Variants in NTM observed in about 807,000 individuals in gnomAD.
The protein encoded by NTM is neurotrimin.
Under a neutral mutation model 42.1 loss-of-function variants are expected in NTM, and 13 were observed. The ratio of observed to expected loss-of-function variants is 0.31; its 90% CI spans 0.20 to 0.49. The LOEUF is 0.49. Among genes scored for constraint, NTM ranks in the 20% least tolerant of loss-of-function variants. The probability of loss-of-function intolerance (pLI) is 0.99; values close to 1 mark genes in which losing one functional copy is unlikely to be tolerated. For synonymous variants in NTM, 187 were observed against 179.2 expected (o/e 1.04, Z -0.35); for missense variants, 373 against 452.8 (o/e 0.82, Z 1.60).
intron 1 of NTM, among the ~76,000 whole-genome samples, chr11:131,489,294 G>T (rs78068707): frequency 1.1e-4 from 17 of 152,072 alleles, no homozygotes; most frequent in Non-Finnish European, 2.1e-4. Flanking sequence ...CCCGTAGAAA[G>T]CTTGTGACTC....
intron 1 of NTM, among the ~76,000 whole-genome samples, chr11:131,855,894 T>G (rs766433182): frequency 6.6e-5 from 10 of 152,182 alleles, no homozygotes; most frequent in Non-Finnish European, 1.5e-4. Flanking sequence ...GCTAGCTTAG[T>G]GTCTGACACA....
At chr11:132,232,567 C>T (rs907665238) in intron 4 of NTM, among the ~76,000 whole-genome samples, 4 of 152,240 alleles carry the variant, frequency 2.6e-5, no homozygotes, top group Admixed American at 6.5e-5. Context: ...TGCCTCTTTG[C>T]TCTGCCAGTT....
intron 2 of NTM, among the ~76,000 whole-genome samples, chr11:132,128,085 G>A (rs866166784): frequency 1.8e-4 from 28 of 152,160 alleles, no homozygotes; most frequent in African/African-American, 6.8e-4. Flanking sequence ...TTGGCAGAAG[G>A]CTGTCTGGGG....
intron 4 of NTM, among the ~76,000 whole-genome samples, chr11:132,243,879 CCTCA>C: frequency 6.6e-6 from 1 of 152,286 alleles, no homozygotes; most frequent in East Asian, 1.9e-4. Flanking sequence ...GGCCCTGAGC[CCTCA>C]CAGGCCCAGA....
In NTM at chr11:132,310,142, C is replaced by A. The variant is rs2095238102; in HGVS notation, c.692C>A (p.Thr231Lys). ...CCATACATTTCAGAAGCCAAGGGTA[C>A]AGGTGTCCCCGTGGGACAAAAGGGG... Reference protein sequence around the residue: ...YPPYISEAKGTGVPVGQKGTL... With the variant: ...YPPYISEAKGKGVPVGQKGTL... Residue 231 changes from threonine to lysine, a missense_variant, in exon 6 of 9, where the codon ACA (threonine) becomes AAA (lysine). Coordinates refer to ENST00000683400, the MANE Select transcript of NTM (RefSeq NM_001352005.2). 6.2e-7 allele frequency: 1 copy of A among 1,608,274 alleles called. No homozygotes were observed. The highest frequency in any genetic ancestry group is 8.5e-7 in the Non-Finnish European group (1 of 1,177,844).
rs183632416 is a variant in NTM at position 132,135,038 on chromosome 11, T to C, written c.168-11244T>C. On this transcript the variant is annotated intron_variant, in intron 2 of 8. Coordinates refer to ENST00000683400, the MANE Select transcript of NTM (RefSeq NM_001352005.2). ...CACATGCTCCTGCCACCCACTGAAC[T>C]CCCCAAATCCTCCTCCCCTCCCCAC... Among the ~76,000 whole-genome samples the C allele has an allele frequency of 1.8e-4, 28 of 152,122 alleles. 1 individual carries two copies. The East Asian group carries it at 5.4e-3, about 30-fold the overall frequency.
At chr11:132,239,189 T>G (rs1395760936) in intron 4 of NTM, among the ~76,000 whole-genome samples, 1 of 152,206 alleles carries the variant, frequency 6.6e-6, no homozygotes, top group Admixed American at 6.5e-5. Flanking sequence ...GAAATTACTT[T>G]TATATTACCA....
In NTM at chr11:131,401,826, A is replaced by ATATATATGTG. The variant is rs1555101775; in HGVS notation, c.82+30945_82+30946insGTGTATATAT. 1.6e-3 allele frequency among the ~76,000 whole-genome samples: 96 copies of ATATATATGTG among 60,558 alleles called. 3 individuals carry two copies. Among genetic ancestry groups the ATATATATGTG allele is most frequent in the African/African-American group, 5.8e-3 (83 of 14,194 alleles). 39.7% of individuals were successfully genotyped at this position (60,558 alleles called of 152,430 possible). On this transcript the variant is annotated intron_variant, in intron 1 of 8. Coordinates refer to ENST00000683400, the MANE Select transcript of NTM (RefSeq NM_001352005.2). ...TATATATATATATATATATATATAT[A>ATATATATGTG]TATATATATATATATATATATATAT...
At chr11:131,701,655 T>G (rs1228673605) in intron 1 of NTM, among the ~76,000 whole-genome samples, 1 of 152,168 alleles carries the variant, frequency 6.6e-6, no homozygotes, top group Non-Finnish European at 1.5e-5. Context: ...TTCCTCAACC[T>G]TACCATCCTC....
chr11:131,742,914 G>A (rs1363677975), intron 1 of NTM, among the ~76,000 whole-genome samples: 1 of 152,232 alleles, frequency 6.6e-6, no homozygotes, highest in Non-Finnish European at 1.5e-5. Flanking sequence ...TGTCTACTGA[G>A]GAGATAAGTG....
At chr11:131,483,655 C>A (rs1214976843) in intron 1 of NTM, among the ~76,000 whole-genome samples, 2 of 151,358 alleles carry the variant, frequency 1.3e-5, no homozygotes, top group African/African-American at 4.9e-5. Context: ...GACTTTGAGT[C>A]TTTGTTGGGG....
In NTM at chr11:132,335,437, G is replaced by A. The variant is rs866671949; in HGVS notation, c.*291G>A. 1.4e-5 allele frequency: 5 copies of A among 352,516 alleles called. No individual in the cohort carries two copies. Among genetic ancestry groups the A allele is most frequent in the South Asian group, 1.4e-4 (5 of 36,864 alleles). The allele number at this position is 352,516 out of a possible 1,614,324, so 21.8% of individuals were successfully genotyped here. On this transcript the variant is annotated 3_prime_UTR_variant, in exon 9 of 9. Coordinates refer to ENST00000683400, the MANE Select transcript of NTM (RefSeq NM_001352005.2). ...GCTTGGACCCACTGCAAGCTGCATC[G>A]TGCAACCTCTTTGGTGCCAGTGTGG...
intron 1 of NTM, among the ~76,000 whole-genome samples, chr11:131,565,944 C>A (rs1006138354): frequency 6.6e-6 from 1 of 152,182 alleles, no homozygotes; most frequent in Non-Finnish European, 1.5e-5. Flanking sequence ...ACCTGAAGTC[C>A]TATCAGCCCC....
chr11:132,188,432 C>T (rs2078776482), intron 3 of NTM, among the ~76,000 whole-genome samples: 1 of 152,090 alleles, frequency 6.6e-6, no homozygotes, highest in Non-Finnish European at 1.5e-5. Flanking sequence ...GAAGAGGTTC[C>T]TTCTCCTCCC....
chr11:132,138,157 C>T (rs893247678), intron 2 of NTM, among the ~76,000 whole-genome samples: 17 of 152,134 alleles, frequency 1.1e-4, no homozygotes, highest in Admixed American at 3.9e-4. Context: ...AAAGCAAGCA[C>T]GAGTCATGTG....
intron 4 of NTM, among the ~76,000 whole-genome samples, chr11:132,261,797 G>A (rs2092874593): frequency 6.6e-6 from 1 of 152,234 alleles, no homozygotes; most frequent in Admixed American, 6.5e-5. Context: ...TATAAATATT[G>A]TGAGTGGAGG....
chr11:131,791,786 C>T lies in NTM; in HGVS notation c.83-119778C>T, dbSNP rs112115719. On this transcript the variant is annotated intron_variant, in intron 1 of 8. Transcript: ENST00000683400. ...ATTAAATGAAGAGACCCTTAGAAGACGAAGTGTTACCAAATATGGCTTTGG... is the reference window on the plus strand; with the variant it reads ...ATTAAATGAAGAGACCCTTAGAAGATGAAGTGTTACCAAATATGGCTTTGG... Among the ~76,000 whole-genome samples the T allele has an allele frequency of 2.1e-3, 322 of 152,272 alleles. 4 individuals carry two copies. The highest frequency in any genetic ancestry group is 7.2e-3 in the African/African-American group (300 of 41,558).
chr11:132,332,971 G>T (rs2095828812), intron 8 of NTM, among the ~76,000 whole-genome samples: 1 of 152,118 alleles, frequency 6.6e-6, no homozygotes, highest in Non-Finnish European at 1.5e-5. Context: ...AGGTGGGAGT[G>T]TGCGGGAATT....
chr11:131,797,458 G>A (rs2136199681), intron 1 of NTM, among the ~76,000 whole-genome samples: 1 of 152,282 alleles, frequency 6.6e-6, no homozygotes, highest in East Asian at 1.9e-4. Flanking sequence ...CAACACATTT[G>A]TTTATTCCGG....
Sources: gnomAD v4.1 joint callset for allele counts (sites outside exome capture counted in the v4.1 genomes callset) on GRCh38, gnomAD v4.1.1 for gene constraint, MANE v1.5 for transcripts, NCBI Gene and HGNC (gene_info 2026-07-23, HGNC 2026-07-21) for gene names.